The following MKLN1 variants were observed in gnomAD, a reference collection of about 807,000 sequenced individuals.
The protein encoded by MKLN1 is muskelin.
Under a neutral mutation model 99.0 loss-of-function variants are expected in MKLN1, and 18 were observed. That is an observed-to-expected ratio of 0.18 (90% CI 0.13 to 0.27). The LOEUF (loss-of-function observed/expected upper bound fraction) is 0.27. Ranked by LOEUF, MKLN1 falls within the 10% of genes least tolerant of loss-of-function variation. The probability of loss-of-function intolerance (pLI) is 1.00; values close to 1 mark genes in which losing one functional copy is unlikely to be tolerated. For synonymous variants in MKLN1, 288 were observed against 293.2 expected (o/e 0.98, Z 0.18); for missense variants, 621 against 875.9 (o/e 0.71, Z 3.67).
At chr7:131,306,970 T>C (rs1798476176) in intron 3 of MKLN1, among the ~76,000 whole-genome samples, 1 of 152,090 alleles carries the variant, frequency 6.6e-6, no homozygotes, top group South Asian at 2.1e-4. Flanking sequence ...GAAAAATGGT[T>C]TCATGGGCTG....
intron 2 of MKLN1, among the ~76,000 whole-genome samples, chr7:131,154,110 A>G (rs981246036): frequency 1.9e-4 from 29 of 152,242 alleles, no homozygotes; most frequent in African/African-American, 6.3e-4. Context: ...GCATATATGC[A>G]TGCATACACA....
At position 131,429,724 on chromosome 7, in the gene MKLN1, G is replaced by T. The variant is rs371820317; in HGVS notation, c.960+579G>T. 5.9e-5 allele frequency among the ~76,000 whole-genome samples: 9 copies of T among 152,140 alleles called. No individual in the cohort carries two copies. In the East Asian group the frequency reaches 1.2e-3, roughly 20 times the overall value. ...CTCCCAAGTAGCTGGGACTACAGGC[G>T]TCCGCCACCACGCCCAGCGAATTTT... On this transcript the variant is annotated intron_variant, in intron 9 of 17. Coordinates refer to ENST00000352689, the MANE Select transcript of MKLN1 (RefSeq NM_013255.5).
intron 3 of MKLN1, among the ~76,000 whole-genome samples, chr7:131,247,548 A>T (rs1339502104): frequency 1.3e-5 from 2 of 151,876 alleles, no homozygotes; most frequent in African/African-American, 2.4e-5. Context: ...GGTGCTTGTG[A>T]TTTCTGTTTA....
Position 131,192,134 on chromosome 7 carries a change from A to ATT in MKLN1, c.-296-10723_-296-10722insTT, listed in dbSNP as rs1267706741. 5.6e-4 allele frequency among the ~76,000 whole-genome samples: 51 copies of ATT among 91,216 alleles called. 1 individual carries two copies. The highest frequency in any genetic ancestry group is 8.7e-4 in the Non-Finnish European group (45 of 51,960). 59.8% of individuals were successfully genotyped at this position (91,216 alleles called of 152,430 possible). On this transcript the variant is annotated intron_variant, in intron 2 of 7. Coordinates refer to the MKLN1 transcript ENST00000416992. ...TTATATATATACGTATATATATAAA[A>ATT]ATATATATACGTATATATACATATA...
At chr7:131,377,471 A>G (rs943509814) in intron 2 of MKLN1, among the ~76,000 whole-genome samples, 3 of 152,114 alleles carry the variant, frequency 2.0e-5, no homozygotes, top group Non-Finnish European at 4.4e-5. Context: ...TGTGTTTTTA[A>G]TCACGCTTTT....
chr7:131,165,136 G>A (rs536380995), intron 2 of MKLN1, among the ~76,000 whole-genome samples: 2 of 152,206 alleles, frequency 1.3e-5, no homozygotes, highest in African/African-American at 4.8e-5. Context: ...GGAAGTGTGG[G>A]TAGGATTTCT....
chr7:131,314,241 A>G (rs749404693), intron 3 of MKLN1, among the ~76,000 whole-genome samples: 2 of 152,186 alleles, frequency 1.3e-5, no homozygotes, highest in African/African-American at 4.8e-5. Context: ...TTTGTGCTGG[A>G]AACTGTCATG....
At chr7:131,365,554 TC>T (rs1800154649) in intron 1 of MKLN1, among the ~76,000 whole-genome samples, 1 of 152,202 alleles carries the variant, frequency 6.6e-6, no homozygotes, top group South Asian at 2.1e-4. Flanking sequence ...TAGGTTATCT[TC>T]CAGCGTTTTT....
At chr7:131,254,660 A>C (rs888144152) in intron 3 of MKLN1, among the ~76,000 whole-genome samples, 6 of 151,774 alleles carry the variant, frequency 4.0e-5, no homozygotes, top group Admixed American at 2.0e-4. Context: ...CTAAAGAGAA[A>C]AATTAATTAG....
chr7:131,429,843 G>T (rs1042869850), intron 9 of MKLN1, among the ~76,000 whole-genome samples: 1 of 152,170 alleles, frequency 6.6e-6, no homozygotes, highest in African/African-American at 2.4e-5. Flanking sequence ...GCCTCCCAAA[G>T]TACTGGGATT....
chr7:131,266,214 G>A (rs566459989), intron 3 of MKLN1, among the ~76,000 whole-genome samples: 1 of 150,382 alleles, frequency 6.6e-6, no homozygotes, highest in South Asian at 2.1e-4. Context: ...GGTTGTGTGT[G>A]TTGTCTATAG....
Position 131,193,107 on chromosome 7 carries a change from G to T in MKLN1, c.-296-9750G>T, listed in dbSNP as rs1368741784. ...ATATAACAGTTACAAAATTTAAATG[G>T]CTTACAGAATTGTTTAGGGATTTGG... On this transcript the variant is annotated intron_variant, in intron 2 of 7. Coordinates refer to the MKLN1 transcript ENST00000416992. 2.0e-5 allele frequency among the ~76,000 whole-genome samples: 3 copies of T among 152,154 alleles called. No homozygotes were observed. In the East Asian group the frequency reaches 5.8e-4, roughly 29 times the overall value.
intron 3 of MKLN1, among the ~76,000 whole-genome samples, chr7:131,266,624 G>T (rs1177233517): frequency 2.0e-5 from 3 of 152,088 alleles, no homozygotes; most frequent in Non-Finnish European, 2.9e-5. Flanking sequence ...TAGTCTAAGG[G>T]CTCTGACTAG....
At chr7:131,129,080 GA>G (rs1795510610) in intron 1 of MKLN1, among the ~76,000 whole-genome samples, 1 of 151,586 alleles carries the variant, frequency 6.6e-6, no homozygotes, top group Non-Finnish European at 1.5e-5. Context: ...AGGCAAAAAG[GA>G]AAAAAAGGAA....
At chr7:131,153,208 A>G (rs1252261456) in intron 2 of MKLN1, among the ~76,000 whole-genome samples, 1 of 152,032 alleles carries the variant, frequency 6.6e-6, no homozygotes, top group African/African-American at 2.4e-5. Flanking sequence ...GGCATGTGCC[A>G]ATGGTGTTTG....
At chr7:131,228,500 G>A (rs1303891924) in intron 3 of MKLN1, among the ~76,000 whole-genome samples, 1 of 152,166 alleles carries the variant, frequency 6.6e-6, no homozygotes, top group African/African-American at 2.4e-5. Flanking sequence ...AGGCAGATTT[G>A]GGTTCAAACC....
At position 131,147,055 on chromosome 7, in the gene MKLN1, T is replaced by G. The variant is rs996445565; in HGVS notation, c.-297+4114T>G. 2.0e-5 allele frequency among the ~76,000 whole-genome samples: 3 copies of G among 152,020 alleles called. 1 individual carries two copies. The highest frequency in any genetic ancestry group is 2.0e-4 in the Admixed American group (3 of 15,258). Reference sequence around the variant, plus strand: ...ATTATGTTTTATTTATTTATTTACTTTTATTATTATTAATTTTTTTTGAGA... The same window carrying G: ...ATTATGTTTTATTTATTTATTTACTGTTATTATTATTAATTTTTTTTGAGA... On this transcript the variant is annotated intron_variant, in intron 2 of 7. Coordinates refer to the MKLN1 transcript ENST00000416992.
At chr7:131,242,589 GA>G in intron 3 of MKLN1, 2 of 477,684 alleles carry the variant, frequency 4.2e-6, no homozygotes, top group African/African-American at 2.0e-5. Context: ...GGTTGCTGCT[GA>G]AATGGGCAAG....
chr7:131,352,601 A>T (rs756719275), intron 1 of MKLN1, among the ~76,000 whole-genome samples: 1 of 152,154 alleles, frequency 6.6e-6, no homozygotes, highest in Non-Finnish European at 1.5e-5. Flanking sequence ...TGTGGTGCAC[A>T]TAAATATGTT....
Sources: gnomAD v4.1 joint callset for allele counts (sites outside exome capture counted in the v4.1 genomes callset) on GRCh38, gnomAD v4.1.1 for gene constraint, MANE v1.5 for transcripts, NCBI Gene and HGNC (gene_info 2026-07-23, HGNC 2026-07-21) for gene names.